The following ERBB4 variants were observed in gnomAD, a reference collection of about 807,000 sequenced individuals.
ERBB4 encodes the protein erb-b2 receptor tyrosine kinase 4, also known as receptor tyrosine-protein kinase erbB-4.
ERBB4 carries 42 observed loss-of-function variants against 158.0 expected under a neutral mutation model. The observed-to-expected ratio is 0.27, with a 90% CI of 0.21 to 0.34. ERBB4 has a LOEUF of 0.34. Among genes scored for constraint, ERBB4 ranks in the 10% least tolerant of loss-of-function variants. ERBB4 has a pLI of 1.00. For synonymous variants in ERBB4, 583 were observed against 558.7 expected (o/e 1.04, Z -0.61); for missense variants, 1,333 against 1,624.1 (o/e 0.82, Z 3.08).
chr2:211,682,572 T>C (rs942715511), intron 12 of ERBB4, among the ~76,000 whole-genome samples: 1 of 152,198 alleles, frequency 6.6e-6, no homozygotes, highest in African/African-American at 2.4e-5. Flanking sequence ...TATGTAAGGA[T>C]CTATTCAGTT....
intron 20 of ERBB4, among the ~76,000 whole-genome samples, chr2:211,558,914 T>C (rs2067310912): frequency 6.6e-6 from 1 of 152,186 alleles, no homozygotes; most frequent in Admixed American, 6.5e-5. Flanking sequence ...TCAGATACAG[T>C]CAGTCTCAAG....
chr2:212,360,912 T>C (rs1023937520), intron 1 of ERBB4, among the ~76,000 whole-genome samples: 2 of 151,744 alleles, frequency 1.3e-5, no homozygotes, highest in African/African-American at 4.8e-5. Flanking sequence ...GCCCAGATTT[T>C]GCTTCTGTCA....
At chr2:212,425,924 G>A in intron 1 of ERBB4, among the ~76,000 whole-genome samples, 1 of 151,920 alleles carries the variant, frequency 6.6e-6, no homozygotes, top group East Asian at 1.9e-4. Flanking sequence ...TGCAGGATAA[G>A]TCACCTAATC....
chr2:211,918,103 A>C (rs2079750862), intron 3 of ERBB4, among the ~76,000 whole-genome samples: 2 of 152,114 alleles, frequency 1.3e-5, no homozygotes, highest in Admixed American at 1.3e-4. Flanking sequence ...GGAGGATATC[A>C]CTCTTCAAAT....
chr2:211,881,584 A>G (rs779323185), intron 3 of ERBB4, among the ~76,000 whole-genome samples: 7 of 119,506 alleles, frequency 5.9e-5, no homozygotes, highest in African/African-American at 1.0e-4. Context: ...CTGCATAATA[A>G]AAGATTGGGG....
intron 20 of ERBB4, among the ~76,000 whole-genome samples, chr2:211,502,219 G>A (rs1348256580): frequency 6.6e-6 from 1 of 152,110 alleles, no homozygotes; most frequent in African/African-American, 2.4e-5. Flanking sequence ...ATAGTTTGGA[G>A]AGTTTGCATG....
intron 19 of ERBB4, among the ~76,000 whole-genome samples, chr2:211,577,986 C>G (rs938382239): frequency 6.6e-6 from 1 of 151,956 alleles, no homozygotes; most frequent in Non-Finnish European, 1.5e-5. Flanking sequence ...GAAAGAAATA[C>G]GGGGTATTCA....
intron 12 of ERBB4, among the ~76,000 whole-genome samples, chr2:211,681,067 A>G (rs1253039596): frequency 6.6e-6 from 1 of 152,080 alleles, no homozygotes; most frequent in Non-Finnish European, 1.5e-5. Context: ...ACTGTACATT[A>G]GTTTGCATTT....
At chr2:212,381,297 G>C (rs1199404464) in intron 1 of ERBB4, among the ~76,000 whole-genome samples, 1 of 151,222 alleles carries the variant, frequency 6.6e-6, no homozygotes, top group African/African-American at 2.4e-5. Context: ...GTACCTAAAT[G>C]ATTAAGTAAC....
At chr2:212,334,766 G>GA (rs2088347933) in intron 1 of ERBB4, among the ~76,000 whole-genome samples, 3 of 151,942 alleles carry the variant, frequency 2.0e-5, no homozygotes, top group African/African-American at 4.8e-5. Context: ...TGATGCCAAT[G>GA]AATTTAGATA....
chr2:212,092,119 T>C (rs976978187), intron 2 of ERBB4, among the ~76,000 whole-genome samples: 26 of 152,212 alleles, frequency 1.7e-4, no homozygotes, highest in Admixed American at 1.4e-3. Context: ...GGGAAACAAA[T>C]GTCTTTCCTA....
At chr2:212,159,210 G>A (rs2081130149) in intron 1 of ERBB4, among the ~76,000 whole-genome samples, 1 of 151,370 alleles carries the variant, frequency 6.6e-6, no homozygotes, top group Admixed American at 6.6e-5. Flanking sequence ...CTCAGAAACT[G>A]TGAGATCATA....
chr2:212,248,289 G>T (rs1574515016), intron 1 of ERBB4, among the ~76,000 whole-genome samples: 1 of 152,118 alleles, frequency 6.6e-6, no homozygotes, highest in African/African-American at 2.4e-5. Context: ...ATCATTTTAA[G>T]GTTCCATGTG....
At chr2:211,805,705 G>C (rs911322317) in intron 3 of ERBB4, among the ~76,000 whole-genome samples, 2 of 151,968 alleles carry the variant, frequency 1.3e-5, no homozygotes, top group South Asian at 4.1e-4. Context: ...TGAACAACAA[G>C]GGTGGAACCA....
intron 13 of ERBB4, among the ~76,000 whole-genome samples, chr2:211,674,113 A>C (rs954078018): frequency 1.3e-5 from 2 of 152,140 alleles, no homozygotes; most frequent in Non-Finnish European, 2.9e-5. Flanking sequence ...TAATATGTTA[A>C]ACCACCCCAT....
At chr2:212,387,542 C>T (rs572749602) in intron 1 of ERBB4, among the ~76,000 whole-genome samples, 22 of 151,920 alleles carry the variant, frequency 1.4e-4, no homozygotes, top group Non-Finnish European at 1.2e-4. Flanking sequence ...CTCAGCCTCC[C>T]GAGTAGCTGG....
At chr2:212,018,110 G>A (rs2076568261) in intron 2 of ERBB4, among the ~76,000 whole-genome samples, 1 of 152,138 alleles carries the variant, frequency 6.6e-6, no homozygotes, top group East Asian at 1.9e-4. Flanking sequence ...ACACTTTTAG[G>A]TAAAGTATTA....
At chr2:211,840,677 G>T (rs529049167) in intron 3 of ERBB4, among the ~76,000 whole-genome samples, 104 of 152,248 alleles carry the variant, frequency 6.8e-4, no homozygotes, top group African/African-American at 2.5e-3. Flanking sequence ...TGGACATTAT[G>T]CAGTAGACAC....
At chr2:211,747,273 G>A (rs564699025) in intron 5 of ERBB4, among the ~76,000 whole-genome samples, 4 of 152,224 alleles carry the variant, frequency 2.6e-5, no homozygotes, top group Non-Finnish European at 4.4e-5. Context: ...GGGTAGGGGT[G>A]GAAGAGGCTT....
Sources: allele counts gnomAD v4.1 joint callset (sites outside exome capture counted in the v4.1 genomes callset), GRCh38; gene constraint gnomAD v4.1.1; transcripts MANE v1.5; gene names NCBI Gene and HGNC (gene_info 2026-07-23, HGNC 2026-07-21).